The following NFE2L1 variants were observed in gnomAD, a reference collection of about 807,000 sequenced individuals.
The protein encoded by NFE2L1 is endoplasmic reticulum membrane sensor NFE2L1.
A neutral mutation model predicts 61.6 loss-of-function variants in NFE2L1; 18 were observed. That is an observed-to-expected ratio of 0.29 (90% CI 0.20 to 0.43). The LOEUF is 0.43. NFE2L1 is among the 20% of genes least tolerant of loss of function. The pLI, the probability that NFE2L1 is intolerant of heterozygous loss-of-function variation, is 1.00. For missense variants in NFE2L1, 827 were observed against 973.5 expected, an observed-to-expected ratio of 0.85 and a Z score of 2.00; for synonymous variants, 419 against 402.7, an observed-to-expected ratio of 1.04 and a Z score of -0.48.
At chr17:48,055,138 G>A (rs953915699) in intron 2 of NFE2L1, 1 of 1,405,392 alleles carries the variant, frequency 7.1e-7, no homozygotes. Flanking sequence ...CTGGGTCCAG[G>A]GCTTCTGTTC....
chr17:48,057,231 TG>T, intron 4 of NFE2L1, 110 bp downstream of exon 4: 2 of 1,587,696 alleles, frequency 1.3e-6, no homozygotes, highest in Non-Finnish European at 1.7e-6. Flanking sequence ...TTCTGGCTGC[TG>T]GGGGTAAATG....
chr17:48,050,197 G>A (rs1377532694), intron 1 of NFE2L1, among the ~76,000 whole-genome samples: 2 of 152,118 alleles, frequency 1.3e-5, no homozygotes, highest in Non-Finnish European at 2.9e-5. Flanking sequence ...GTGGCCTTTA[G>A]GCCAGGCACA....
intron 2 of NFE2L1, chr17:48,056,176 C>T (rs1479086890): frequency 9.7e-6 from 6 of 620,308 alleles, no homozygotes; most frequent in African/African-American, 3.7e-5. Flanking sequence ...GCTAGTGGCT[C>T]TTTTTTTTTG....
Position 48,059,304 on chromosome 17 carries a change from G to C in NFE2L1, c.1982G>C (p.Arg661Pro). The change falls in exon 6 of 6, where the codon CGG becomes CCG. Residue 661 changes from arginine to proline, a missense_variant. By Grantham distance (103) the Arg-to-Pro change is moderately radical. Transcript: ENST00000362042. The surrounding 1 kb of genome is among the most constrained non-coding windows in gnomAD (Gnocchi z 6.1). ...AGCCTCATCCGAGACATCCGGCGCC[G>C]GGGCAAGAACAAGATGGCGGCGCAG... ...QLSLIRDIRR[R>P]GKNKMAAQNC... 6.2e-7 allele frequency: 1 copy of C among 1,614,214 alleles called. No homozygotes were observed. Among genetic ancestry groups the C allele is most frequent in the Non-Finnish European group, 8.5e-7 (1 of 1,180,042 alleles).
chr17:48,057,284 T>C (rs1411029668), intron 4 of NFE2L1, 60 bp from the exon 5 acceptor site: 4 of 1,600,122 alleles, frequency 2.5e-6, no homozygotes, highest in Non-Finnish European at 3.4e-6. Flanking sequence ...TGGTAATCTC[T>C]GGGAGGAAAG....
intron 2 of NFE2L1, chr17:48,055,205 G>T: frequency 7.8e-7 from 1 of 1,288,428 alleles, no homozygotes; most frequent in South Asian, 2.4e-5. Flanking sequence ...TAGGGTCAGG[G>T]GGGGTTAATG....
chr17:48,059,123 G>A lies in NFE2L1; in HGVS notation c.1801G>A (p.Glu601Lys). Residue 601 changes from glutamate to lysine, a missense_variant, in exon 6 of 6, where the codon GAG (glutamate) becomes AAG (lysine). Physicochemically the swap from Glu to Lys is moderately conservative, Grantham distance 56 (BLOSUM62 1). Around this residue, in one of 3 missense-constraint regions of NFE2L1, gnomAD observed 667 missense variants for 748.4 expected, o/e 0.89. Transcript: ENST00000362042. This position sits in a 1 kb window ranked among gnomAD's most constrained non-coding sequence, Gnocchi z 6.1. ...PPSALKKGSK[E>K]KQADFLDKQM... is the part of the protein sequence containing the mutation. ...CAGTGCCCTCAAGAAAGGCAGCAAG[G>A]AGAAGCAGGCTGACTTCCTGGACAA... The A allele has an allele frequency of 6.2e-7, 1 of 1,614,066 alleles. No individual in the cohort carries two copies. The highest frequency in any genetic ancestry group is 8.5e-7 in the Non-Finnish European group (1 of 1,180,026).
intron 2 of NFE2L1, among the ~76,000 whole-genome samples, chr17:48,053,858 T>C (rs187599831): frequency 7.2e-5 from 11 of 152,212 alleles, no homozygotes; most frequent in Non-Finnish European, 1.2e-4. Context: ...GGGGGGACAT[T>C]TGTGGCCAGG....
In NFE2L1 at chr17:48,059,455, G is replaced by A; in HGVS notation, c.2133G>A (p.Lys711=). 2 of 1,614,214 alleles carry A rather than the reference G, an allele frequency of 1.2e-6. No individual in the cohort carries two copies. Among genetic ancestry groups the A allele is most frequent in the South Asian group, 2.2e-5 (2 of 91,090 alleles). The change falls in exon 6 of 6, where the codon AAG becomes AAA. Residue 711 remains lysine, a synonymous_variant. Coordinates refer to ENST00000362042, the MANE Select transcript of NFE2L1 (RefSeq NM_003204.3). This position sits in a 1 kb window ranked among gnomAD's most constrained non-coding sequence, Gnocchi z 6.1. The part of the protein sequence containing the change: ...VEFLRSLRQM[K]QKVQSLYQEV... ...TCCTGCGCTCCCTGCGACAGATGAA[G>A]CAGAAGGTCCAGAGCCTGTACCAGG...
In NFE2L1 at chr17:48,058,621, G is replaced by A. The variant is rs1316948293; in HGVS notation, c.1299G>A (p.Glu433=). The A allele has an allele frequency of 1.2e-6, 2 of 1,614,162 alleles. No homozygotes were observed. Among genetic ancestry groups the A allele is most frequent in the Non-Finnish European group, 1.7e-6 (2 of 1,180,006 alleles). The change falls in exon 6 of 6, where the codon GAG becomes GAA. Residue 433 remains glutamate (E), a synonymous_variant. Transcript: ENST00000362042. ...CAGCCAATGACACAGCAGGCCCAGAGCTGCCTGACCCTTTGGGGGGTCTGT... is the reference window on the plus strand; with the variant it reads ...CAGCCAATGACACAGCAGGCCCAGAACTGCCTGACCCTTTGGGGGGTCTGT... ...NGTANDTAGP[E]LPDPLGGLLD...
In NFE2L1 at chr17:48,059,803, A is replaced by G; in HGVS notation, c.*162A>G. 9.0e-7 allele frequency: 1 copy of G among 1,112,538 alleles called. No homozygotes were observed. Among genetic ancestry groups the G allele is most frequent in the Non-Finnish European group, 1.2e-6 (1 of 812,286 alleles). The allele number at this position is 1,112,538 out of a possible 1,614,324, so 68.9% of individuals were successfully genotyped here. On this transcript the variant is annotated 3_prime_UTR_variant, in exon 6 of 6. Transcript: ENST00000362042. This position sits in a 1 kb window ranked among gnomAD's most constrained non-coding sequence, Gnocchi z 6.1. ...GGTCAGTGTACAGGAAGAGGCAGGC[A>G]CTGGCTGGCTCAGCTCCACTCGGGT...
rs776511310 is a variant in NFE2L1, at chr17:48,051,547, C to T, written c.429C>T (p.Ser143=). The T allele has an allele frequency of 6.2e-6, 10 of 1,614,120 alleles. No individual in the cohort carries two copies. Among genetic ancestry groups the T allele is most frequent in the African/African-American group, 4.0e-5 (3 of 75,008 alleles). The part of the protein sequence containing the change: ...VTGPDNGVRE[S]ETEQGFGEDL... ...GCCCAGACAACGGGGTGCGAGAAAG[C>T]GAAACGGAGCAGGGATTCGGTGAAG... The change falls in exon 2 of 6, where the codon AGC becomes AGT. Residue 143 remains serine, a synonymous_variant. Transcript: ENST00000362042.
In NFE2L1 at chr17:48,057,133, T is replaced by TC. The variant is rs541907743; in HGVS notation, c.813+14dup. 1.7e-4 allele frequency: 268 copies of TC among 1,612,114 alleles called. No individual in the cohort carries two copies. Among genetic ancestry groups the TC allele is most frequent in the Non-Finnish European group, 2.2e-4 (262 of 1,179,524 alleles). ...GGGAGAATGCTGAGGTGAGCAGGACTCCAGTGAGAGTCCACCAAGTGAGCA... is the reference window on the plus strand; with the variant it reads ...GGGAGAATGCTGAGGTGAGCAGGACTCCCAGTGAGAGTCCACCAAGTGAGCA... On this transcript the variant is annotated intron_variant, in intron 4 of 5. Transcript: ENST00000362042.
chr17:48,055,145 G>T, intron 2 of NFE2L1: 1 of 1,386,040 alleles, frequency 7.2e-7, no homozygotes, highest in Non-Finnish European at 9.3e-7. Flanking sequence ...CAGGGCTTCT[G>T]TTCAGGTTGG....
chr17:48,054,512 A>C, intron 2 of NFE2L1: 4 of 878,956 alleles, frequency 4.6e-6, no homozygotes, highest in Non-Finnish European at 2.9e-6. Flanking sequence ...AGGTAACGAC[A>C]GTGGGAGGGG....
chr17:48,049,221 T>A (rs1598275849), intron 1 of NFE2L1: 2 of 152,232 alleles, frequency 1.3e-5, no homozygotes, highest in Admixed American at 6.5e-5. Flanking sequence ...ACAGATTTAC[T>A]TCCTCTGCAC....
Position 48,058,148 on chromosome 17 carries a change from G to A in NFE2L1, c.973-147G>A, listed in dbSNP as rs538766117. On this transcript the variant is annotated intron_variant, in intron 5 of 5. Coordinates refer to ENST00000362042, the MANE Select transcript of NFE2L1 (RefSeq NM_003204.3). ...CTGCCAGGCCTGGTGGACGAAGCTG[G>A]GTCAGGAGCTGACACTGTGGGCTTT... 1.7e-5 allele frequency: 19 copies of A among 1,127,152 alleles called. No homozygotes were observed. In the South Asian group the frequency reaches 3.9e-4, roughly 23 times the overall value. 69.8% of individuals were successfully genotyped at this position (1,127,152 alleles called of 1,614,324 possible). A position where few individuals can be genotyped will look rare whatever the true frequency, so the allele number is the denominator to read the frequency against.
Position 48,056,538 on chromosome 17 carries a change from G to A in NFE2L1, c.663G>A (p.Ala221=), listed in dbSNP as rs1444721737. The stretch of plus-strand genomic sequence containing the variant: ...AGGACACCTGGGCAGGCGAGGGCGC[G>A]GAAGCTCTGGCACGGAACCTGCTAG... The part of the protein sequence containing the change: ...GEQDTWAGEG[A]EALARNLLVD... The change falls in exon 3 of 6, where the codon GCG becomes GCA. Residue 221 remains alanine (A), a synonymous_variant. Coordinates refer to ENST00000362042, the MANE Select transcript of NFE2L1 (RefSeq NM_003204.3). 5.0e-6 allele frequency: 8 copies of A among 1,613,958 alleles called. No homozygotes were observed. The highest frequency in any genetic ancestry group is 2.2e-5 in the East Asian group (1 of 44,894).
In NFE2L1 at chr17:48,051,241, G is replaced by A; in HGVS notation, c.123G>A (p.Glu41=). Reference sequence around the variant, plus strand: ...CCTCACAGCTTCCCCCACTCCGGGAGATCATCCTGGGGCCCAGTTCTGCCT... The same window carrying A: ...CCTCACAGCTTCCCCCACTCCGGGAAATCATCCTGGGGCCCAGTTCTGCCT... The part of the protein sequence containing the change: ...YLTSQLPPLR[E]IILGPSSAYT... Residue 41 remains glutamate, a synonymous_variant, in exon 2 of 6, where the codon GAG becomes GAA. Coordinates refer to ENST00000362042, the MANE Select transcript of NFE2L1 (RefSeq NM_003204.3). 1 of 1,614,176 alleles carries A rather than the reference G, an allele frequency of 6.2e-7. No homozygotes were observed.
Sources: gnomAD v4.1 joint callset for allele counts (sites outside exome capture counted in the v4.1 genomes callset) on GRCh38, gnomAD v4.1.1 for gene constraint, gnomAD v4.1.1 regional missense constraint, Gnocchi (gnomAD v3.1) non-coding constraint, MANE v1.5 for transcripts, NCBI Gene and HGNC (gene_info 2026-07-23, HGNC 2026-07-21) for gene names.